The following LIMCH1 variants were observed in gnomAD, a reference collection of about 807,000 sequenced individuals.
LIMCH1 encodes the protein LIM and calponin homology domains 1, also known as LIM and calponin homology domains-containing protein 1.
LIMCH1 carries 113 observed loss-of-function variants against 176.5 expected under a neutral mutation model. That is an observed-to-expected ratio of 0.64 (90% CI 0.55 to 0.75). The LOEUF (loss-of-function observed/expected upper bound fraction) is 0.75, where lower values mean the gene tolerates loss of function less well. LIMCH1 is among the 30% of genes least tolerant of loss of function. The pLI is 0.00. For synonymous variants in LIMCH1, 619 were observed against 645.9 expected (o/e 0.96, Z 0.63); for missense variants, 1,674 against 1,814.9 (o/e 0.92, Z 1.41).
chr4:41,538,460 C>T, intron 1 of LIMCH1, 110 bp downstream of exon 1: 1 of 544,604 alleles, frequency 1.8e-6, no homozygotes, highest in Non-Finnish European at 2.3e-6. Flanking sequence ...ACTTTTTATT[C>T]ACTTATTAGT....
intron 2 of LIMCH1, among the ~76,000 whole-genome samples, chr4:41,510,850 A>G (rs1297911098): frequency 2.0e-5 from 3 of 152,170 alleles, no homozygotes; most frequent in African/African-American, 7.2e-5. Flanking sequence ...CGGCCTCCCA[A>G]AGTGCTGGGA....
intron 5 of LIMCH1, among the ~76,000 whole-genome samples, chr4:41,618,106 G>A (rs185515622): frequency 1.6e-4 from 25 of 152,286 alleles, no homozygotes; most frequent in African/African-American, 6.0e-4. Flanking sequence ...ACATCTCCTG[G>A]CTCTTAGTTT....
intron 30 of LIMCH1, among the ~76,000 whole-genome samples, chr4:41,691,026 T>C (rs750204018): frequency 2.0e-4 from 31 of 152,218 alleles, no homozygotes; most frequent in Admixed American, 1.0e-3. Context: ...TCAGAAACTT[T>C]ATGAGGACTA....
intron 1 of LIMCH1, among the ~76,000 whole-genome samples, chr4:41,458,230 A>G (rs1377408189): frequency 6.6e-6 from 1 of 152,214 alleles, no homozygotes; most frequent in Non-Finnish European, 1.5e-5. Context: ...GTAACAAGCC[A>G]ATCTCCTTCT....
chr4:41,507,625 A>G (rs2074345263), intron 2 of LIMCH1, among the ~76,000 whole-genome samples: 1 of 152,160 alleles, frequency 6.6e-6, no homozygotes, highest in African/African-American at 2.4e-5. Flanking sequence ...CAAAATATGG[A>G]TTTCTTAATA....
At chr4:41,367,703 A>AAAAAAG (rs2053270807) in intron 1 of LIMCH1, among the ~76,000 whole-genome samples, 2 of 150,288 alleles carry the variant, frequency 1.3e-5, no homozygotes, top group African/African-American at 4.9e-5. Context: ...AAAAAAAAAA[A>AAAAAAG]AAAGGAAAGA....
chr4:41,628,819 A>C (rs183071512), intron 8 of LIMCH1, among the ~76,000 whole-genome samples: 60 of 152,350 alleles, frequency 3.9e-4, no homozygotes. Context: ...GGTTATTAAC[A>C]CAAGAAACAA....
At chr4:41,566,818 GT>G (rs564157186) in intron 1 of LIMCH1, among the ~76,000 whole-genome samples, 14 of 152,260 alleles carry the variant, frequency 9.2e-5, no homozygotes, top group South Asian at 2.1e-4. Flanking sequence ...AAAAAGAAGA[GT>G]TTTCTATCAC....
At chr4:41,419,689 T>TTCC (rs1561312547) in intron 1 of LIMCH1, among the ~76,000 whole-genome samples, 10 of 70,572 alleles carry the variant, frequency 1.4e-4, no homozygotes, top group African/African-American at 4.6e-4. Context: ...TCCTCCTTCC[T>TTCC]TCCTTCCTTC....
chr4:41,389,781 G>A (rs1370757545), intron 1 of LIMCH1, among the ~76,000 whole-genome samples: 1 of 152,176 alleles, frequency 6.6e-6, no homozygotes, highest in East Asian at 1.9e-4. Context: ...GATCTTCCTA[G>A]ATCATTGGCT....
At chr4:41,536,061 A>T (rs527488400), upstream of LIMCH1, among the ~76,000 whole-genome samples, 32 of 152,342 alleles carry the variant, frequency 2.1e-4, no homozygotes, top group Admixed American at 4.6e-4. Flanking sequence ...TGAGCAAAAA[A>T]TATATAATAG....
At chr4:41,598,352 C>G (rs2089299085) in intron 1 of LIMCH1, among the ~76,000 whole-genome samples, 1 of 151,982 alleles carries the variant, frequency 6.6e-6, no homozygotes, top group Non-Finnish European at 1.5e-5. Flanking sequence ...AAAAGCTTTC[C>G]CTGTCCTTTT....
rs2093395611 is a variant in LIMCH1, at chr4:41,632,812, G to A, written c.1665G>A (p.Glu555=). 2 of 1,536,228 alleles carry A rather than the reference G, an allele frequency of 1.3e-6. No individual in the cohort carries two copies. Among genetic ancestry groups the A allele is most frequent in the Non-Finnish European group, 1.7e-6 (2 of 1,146,930 alleles). Residue 555 remains glutamate (E), a synonymous_variant, in exon 11 of 32, where the codon GAG becomes GAA. Coordinates refer to ENST00000503057, the MANE Select transcript of LIMCH1 (RefSeq NM_001330672.2). Reference sequence around the variant, plus strand: ...CCTCGTGGCTGGCTCCTGTGCCGGAGTCTCAGGAAGAGTGGGTCTGCAGTT... The same window carrying A: ...CCTCGTGGCTGGCTCCTGTGCCGGAATCTCAGGAAGAGTGGGTCTGCAGTT... ...RRASWLAPVP[E]SQEEWVCSLG...
chr4:41,360,121 G>A (rs2051802264), upstream of LIMCH1, among the ~76,000 whole-genome samples: 1 of 152,056 alleles, frequency 6.6e-6, no homozygotes, highest in Non-Finnish European at 1.5e-5. The surrounding 1 kb of genome is among the most constrained non-coding windows in gnomAD (Gnocchi z 4.5). Flanking sequence ...CACAGTGACT[G>A]TTGGTTGACT....
rs758452887 is a variant in LIMCH1 at position 41,646,579 on chromosome 4, A to G, written c.2506A>G (p.Thr836Ala). ...CCTTCAACAGTACATTGAGAGGTTCACCATCAGTGAGGCTGTTCTCGAACG... is the reference window on the plus strand; with the variant it reads ...CCTTCAACAGTACATTGAGAGGTTCGCCATCAGTGAGGCTGTTCTCGAACG... ...GILQQYIERF[T>A]ISEAVLERLE... Residue 836 changes from threonine (T) to alanine (A), a missense_variant, in exon 17 of 32, where the codon ACC becomes GCC. Coordinates refer to ENST00000503057, the MANE Select transcript of LIMCH1 (RefSeq NM_001330672.2). 3 of 1,614,208 alleles carry G rather than the reference A, an allele frequency of 1.9e-6. No individual in the cohort carries two copies. Among genetic ancestry groups the G allele is most frequent in the East Asian group, 2.2e-5 (1 of 44,882 alleles).
rs181877437 is a variant in LIMCH1 at position 41,497,765 on chromosome 4, A to G, written c.167+3159A>G. On this transcript the variant is annotated intron_variant, in intron 2 of 26. Coordinates refer to the LIMCH1 transcript ENST00000313860. Reference sequence around the variant, plus strand: ...GGTTGCAGTGAGCTGGGATCGTGCTACTGTACTCCAGCCTGGGCAACAAGA... The same window carrying G: ...GGTTGCAGTGAGCTGGGATCGTGCTGCTGTACTCCAGCCTGGGCAACAAGA... Among the ~76,000 whole-genome samples the G allele has an allele frequency of 3.0e-3, 452 of 151,506 alleles. 4 individuals are homozygous for G. The highest frequency in any genetic ancestry group is 0.024 in the Middle Eastern group (7 of 292).
Position 41,693,708 on chromosome 4 carries a change from T to C in LIMCH1, c.4378+1324T>C, listed in dbSNP as rs551161815. Among the ~76,000 whole-genome samples the C allele has an allele frequency of 9.2e-5, 14 of 152,236 alleles. No homozygotes were observed. In the South Asian group the frequency reaches 1.4e-3, roughly 16 times the overall value. On this transcript the variant is annotated intron_variant, in intron 31 of 31. Coordinates refer to ENST00000503057, the MANE Select transcript of LIMCH1 (RefSeq NM_001330672.2). ...GCTAACAAGGAAAACAACTCTTTTC[T>C]CCCAGATTTCAATGCGAATTTTCCT...
intron 3 of LIMCH1, among the ~76,000 whole-genome samples, chr4:41,525,065 G>A (rs910228596): frequency 2.6e-5 from 4 of 152,270 alleles, no homozygotes; most frequent in Admixed American, 2.6e-4. Flanking sequence ...TTCATATGTG[G>A]TTAGAAGCAG....
At chr4:41,674,637 T>G (rs2095156739) in intron 22 of LIMCH1, among the ~76,000 whole-genome samples, 1 of 102,828 alleles carries the variant, frequency 9.7e-6, no homozygotes, top group South Asian at 2.7e-4. Context: ...GCATTTGATA[T>G]GCCCAACCTA....
Sources: gnomAD v4.1 joint callset for allele counts (sites outside exome capture counted in the v4.1 genomes callset) on GRCh38, gnomAD v4.1.1 for gene constraint, Gnocchi (gnomAD v3.1) non-coding constraint, MANE v1.5 for transcripts, NCBI Gene and HGNC (gene_info 2026-07-23, HGNC 2026-07-21) for gene names.